Variants in PTPN5 observed in about 807,000 individuals in gnomAD.
The protein encoded by PTPN5 is tyrosine-protein phosphatase non-receptor type 5.
In PTPN5, 29 loss-of-function variants were observed where a neutral mutation model predicts 73.9. That is an observed-to-expected ratio of 0.39 (90% confidence interval 0.29 to 0.54). The LOEUF is 0.54. PTPN5 is among the 20% of genes least tolerant of loss of function. The pLI is 0.65. For synonymous variants in PTPN5, 267 were observed against 304.7 expected (o/e 0.88, Z 1.29); for missense variants, 652 against 751.4 (o/e 0.87, Z 1.55).
At chr11:18,782,854 G>A (rs1372132599) in intron 1 of PTPN5, among the ~76,000 whole-genome samples, 1 of 152,144 alleles carries the variant, frequency 6.6e-6, no homozygotes, top group African/African-American at 2.4e-5. Context: ...ATGGGGCCAG[G>A]GATGCTTTTA....
At chr11:18,737,326 C>T (rs1233389840) in intron 9 of PTPN5, among the ~76,000 whole-genome samples, 1 of 152,204 alleles carries the variant, frequency 6.6e-6, no homozygotes, top group Non-Finnish European at 1.5e-5. Context: ...CTTGAATATA[C>T]TGAGTAATGG....
At chr11:18,758,651 A>C (rs1850255055) in intron 3 of PTPN5, among the ~76,000 whole-genome samples, 1 of 150,462 alleles carries the variant, frequency 6.6e-6, no homozygotes, top group South Asian at 2.1e-4. Context: ...TGAAATGAAG[A>C]AATGAGCTTC....
In PTPN5 at chr11:18,728,122, C is replaced by T. The variant is rs774832786; in HGVS notation, c.*812G>A. 37 of 152,684 alleles carry T rather than the reference C, an allele frequency of 2.4e-4. No individual in the cohort carries two copies. Among genetic ancestry groups the T allele is most frequent in the African/African-American group, 7.5e-4 (31 of 41,464 alleles). The allele number at this position is 152,684 out of a possible 1,614,324, so 9.5% of individuals were successfully genotyped here. A position where few individuals can be genotyped will look rare whatever the true frequency, so the allele number is the denominator to read the frequency against. On this transcript the variant is annotated 3_prime_UTR_variant, in exon 15 of 15. Transcript: ENST00000358540. The surrounding 1 kb of genome is among the most constrained non-coding windows in gnomAD (Gnocchi z 4.1). The stretch of plus-strand genomic sequence containing the variant: ...GATGGGCTCTCAACACACGCATGGA[C>T]ATGGGAACACACGCAGAGCAACACG...
At chr11:18,786,275 T>C (rs1851664624) in intron 1 of PTPN5, among the ~76,000 whole-genome samples, 1 of 151,970 alleles carries the variant, frequency 6.6e-6, no homozygotes, top group African/African-American at 2.4e-5. Flanking sequence ...CTATCTCGGC[T>C]CACTGCAAGC....
At chr11:18,753,029 T>C (rs1419884608) in intron 3 of PTPN5, among the ~76,000 whole-genome samples, 2 of 152,258 alleles carry the variant, frequency 1.3e-5, no homozygotes, top group African/African-American at 2.4e-5. Flanking sequence ...CAACAGGGAT[T>C]GCCTGTGGAT....
In PTPN5 at chr11:18,768,962, GAACAGAACAC is replaced by G. The variant is rs576881848; in HGVS notation, c.20+2967_20+2976del. Among the ~76,000 whole-genome samples, 9 of 152,188 alleles carry G rather than the reference GAACAGAACAC, an allele frequency of 5.9e-5. No individual in the cohort carries two copies. The South Asian group carries it at 1.5e-3, about 25-fold the overall frequency. ...CCCACTTCTATCAGCCAGGCAACAG[GAACAGAACAC>G]TGGCCTGTGACAACAGCAGCCACTT... On this transcript the variant is annotated intron_variant, in intron 2 of 14. Transcript: ENST00000358540.
chr11:18,781,896 G>C (rs1485406936), intron 1 of PTPN5, among the ~76,000 whole-genome samples: 1 of 152,174 alleles, frequency 6.6e-6, no homozygotes, highest in Non-Finnish European at 1.5e-5. Context: ...GCACAGAAGA[G>C]ACCCGAAGGA....
Position 18,732,683 on chromosome 11 carries a change from G to T in PTPN5, c.1238C>A (p.Pro413Gln). 1 of 1,613,678 alleles carries T rather than the reference G, an allele frequency of 6.2e-7. No individual in the cohort carries two copies. Among genetic ancestry groups the T allele is most frequent in the South Asian group, 1.1e-5 (1 of 91,070 alleles). ...EMNEKCTEYW[P>Q]EEQVAYDGVE... ...ACCGTCGTACGCCACCTGCTCCTCC[G>T]GCCAATACTCGGTGCATTTCTGCAG... Residue 413 changes from proline to glutamine, a missense_variant, in exon 12 of 15, where the codon CCG becomes CAG. Coordinates refer to ENST00000358540, the MANE Select transcript of PTPN5 (RefSeq NM_006906.2).
At chr11:18,751,034 G>T (rs1433993029) in intron 3 of PTPN5, among the ~76,000 whole-genome samples, 1 of 152,148 alleles carries the variant, frequency 6.6e-6, no homozygotes, top group Non-Finnish European at 1.5e-5. Context: ...AACTGAGAAG[G>T]GCGGAGTGGT....
Position 18,742,548 on chromosome 11 carries a change from G to A in PTPN5, c.484-45C>T. 5 of 1,600,872 alleles carry A rather than the reference G, an allele frequency of 3.1e-6. No individual in the cohort carries two copies. Among genetic ancestry groups the A allele is most frequent in the Non-Finnish European group, 3.4e-6 (4 of 1,175,952 alleles). Reference sequence around the variant, plus strand: ...TCACAGATTTCGGACCACGCTGGCTGCCCCCCGTGTTCCTGGAGTGCCCAT... The same window carrying A: ...TCACAGATTTCGGACCACGCTGGCTACCCCCCGTGTTCCTGGAGTGCCCAT... On this transcript the variant is annotated intron_variant, in intron 6 of 14. Transcript: ENST00000358540. This position sits in a 1 kb window ranked among gnomAD's most constrained non-coding sequence, Gnocchi z 4.1.
At chr11:18,784,790 C>T (rs1406175544) in intron 1 of PTPN5, among the ~76,000 whole-genome samples, 2 of 152,000 alleles carry the variant, frequency 1.3e-5, no homozygotes, top group Non-Finnish European at 2.9e-5. Context: ...CCTTGACCCC[C>T]TGGCCCATGA....
intron 8 of PTPN5, 96 bp from the exon 9 acceptor site, chr11:18,738,060 G>A: frequency 1.1e-6 from 1 of 941,656 alleles, no homozygotes; most frequent in African/African-American, 1.6e-5. Flanking sequence ...CCCAGGGGCT[G>A]GCTTGAGTGC....
intron 1 of PTPN5, among the ~76,000 whole-genome samples, chr11:18,790,723 A>G (rs184945494): frequency 6.3e-4 from 96 of 152,188 alleles, no homozygotes; most frequent in Middle Eastern, 6.8e-3. Context: ...TGGGGCTTCA[A>G]TGTGGGTGGG....
chr11:18,788,524 C>T lies in PTPN5; in HGVS notation c.-114+3001G>A, dbSNP rs539252485. On this transcript the variant is annotated intron_variant, in intron 1 of 14. Coordinates refer to ENST00000358540, the MANE Select transcript of PTPN5 (RefSeq NM_006906.2). ...AGTCCCCATGCCTGTCCATCCTCTG[C>T]TCATGCTATTTCCACTCCTCGAAAT... 2.6e-5 allele frequency among the ~76,000 whole-genome samples: 4 copies of T among 152,352 alleles called. No individual in the cohort carries two copies. The South Asian group carries it at 8.3e-4, about 32-fold the overall frequency.
At chr11:18,765,678 T>C (rs1246978793) in intron 3 of PTPN5, 129 bp downstream of exon 3, 1 of 706,120 alleles carries the variant, frequency 1.4e-6, no homozygotes, top group Non-Finnish European at 2.6e-6. Context: ...CGAAGAGCTA[T>C]GGAGCAGCTG....
In PTPN5 at chr11:18,742,153, G is replaced by T; in HGVS notation, c.725+109C>A. ...CATGTCTACACTGGCTAAGCTATAA[G>T]GCCAGCTCTGCCCTGGGCACCAGGA... On this transcript the variant is annotated intron_variant, in intron 7 of 14. Transcript: ENST00000358540. The surrounding 1 kb of genome is among the most constrained non-coding windows in gnomAD (Gnocchi z 4.1). 6.8e-7 allele frequency: 1 copy of T among 1,480,130 alleles called. No homozygotes were observed. The highest frequency in any genetic ancestry group is 9.2e-7 in the Non-Finnish European group (1 of 1,084,780). The allele number at this position is 1,480,130 out of a possible 1,614,324, so 91.7% of individuals were successfully genotyped here.
At chr11:18,762,798 G>C (rs149569092) in intron 3 of PTPN5, among the ~76,000 whole-genome samples, 1 of 152,128 alleles carries the variant, frequency 6.6e-6, no homozygotes, top group Admixed American at 6.5e-5. Context: ...GTGAATGGGG[G>C]GTCCAGAAAG....
intron 3 of PTPN5, among the ~76,000 whole-genome samples, chr11:18,761,015 A>G (rs573167802): frequency 6.6e-6 from 1 of 152,342 alleles, no homozygotes; most frequent in East Asian, 1.9e-4. Flanking sequence ...GTGGCCAAGG[A>G]GTAGCTATTA....
intron 2 of PTPN5, among the ~76,000 whole-genome samples, chr11:18,768,894 T>C (rs563141295): frequency 4.6e-5 from 7 of 152,094 alleles, no homozygotes; most frequent in African/African-American, 1.4e-4. Context: ...AGAGCAGAAA[T>C]AGCTGCTTTT....
Sources: allele counts gnomAD v4.1 joint callset (sites outside exome capture counted in the v4.1 genomes callset), GRCh38; gene constraint gnomAD v4.1.1; non-coding constraint Gnocchi (gnomAD v3.1); transcripts MANE v1.5; gene names NCBI Gene and HGNC (gene_info 2026-07-23, HGNC 2026-07-21).